Variants in LRRC4C observed in about 807,000 individuals in gnomAD.
LRRC4C encodes leucine-rich repeat-containing protein 4C.
In LRRC4C, 5 loss-of-function variants were observed where a neutral mutation model predicts 33.6. The ratio of observed to expected loss-of-function variants is 0.15; its 90% CI spans 0.08 to 0.31. LRRC4C has a LOEUF of 0.31. Among genes scored for constraint, LRRC4C ranks in the 10% least tolerant of loss-of-function variants. The pLI, the probability that LRRC4C is intolerant of heterozygous loss-of-function variation, is 1.00. For missense variants in LRRC4C, 560 were observed against 796.7 expected, an observed-to-expected ratio of 0.70 and a Z score of 3.58; for synonymous variants, 329 against 302.0, an observed-to-expected ratio of 1.09 and a Z score of -0.93.
At chr11:40,880,014 G>T (rs1197728269) in intron 2 of LRRC4C, among the ~76,000 whole-genome samples, 1 of 152,038 alleles carries the variant, frequency 6.6e-6, no homozygotes, top group African/African-American at 2.4e-5. Context: ...TTGAGGCTAG[G>T]TCCTAACAGG....
chr11:41,210,863 G>C (rs1351414178), intron 1 of LRRC4C, among the ~76,000 whole-genome samples: 1 of 152,180 alleles, frequency 6.6e-6, no homozygotes, highest in Non-Finnish European at 1.5e-5. Context: ...TGGGGGTTGG[G>C]AGTGGATGGT....
At chr11:40,938,838 A>G (rs1280831773) in intron 1 of LRRC4C, among the ~76,000 whole-genome samples, 2 of 152,260 alleles carry the variant, frequency 1.3e-5, no homozygotes, top group Non-Finnish European at 2.9e-5. Context: ...AAACTAGAAA[A>G]TGCTACAATG....
intron 1 of LRRC4C, among the ~76,000 whole-genome samples, chr11:41,363,450 T>A (rs896603294): frequency 2.0e-5 from 3 of 152,186 alleles, no homozygotes; most frequent in African/African-American, 7.2e-5. Flanking sequence ...AATCTTCAAT[T>A]CCATCCTAAA....
At chr11:40,731,180 G>A (rs941963954) in intron 2 of LRRC4C, among the ~76,000 whole-genome samples, 1 of 151,876 alleles carries the variant, frequency 6.6e-6, no homozygotes. Flanking sequence ...TTAGCCGGGC[G>A]TGGTGGCAAG....
At chr11:40,377,075 C>G (rs1948688612) in intron 3 of LRRC4C, among the ~76,000 whole-genome samples, 1 of 151,898 alleles carries the variant, frequency 6.6e-6, no homozygotes, top group Non-Finnish European at 1.5e-5. Context: ...TCATAAATAG[C>G]ACAGCATGAG....
chr11:40,861,110 A>G (rs1954074509), intron 2 of LRRC4C, among the ~76,000 whole-genome samples: 1 of 152,114 alleles, frequency 6.6e-6, no homozygotes, highest in African/African-American at 2.4e-5. Context: ...CTCAGGGGAA[A>G]CTAAGTTTTT....
At chr11:41,205,651 A>G (rs1442287429) in intron 1 of LRRC4C, among the ~76,000 whole-genome samples, 2 of 152,212 alleles carry the variant, frequency 1.3e-5, no homozygotes, top group Non-Finnish European at 2.9e-5. Context: ...TGGCAAAAAG[A>G]AAAACAAACA....
chr11:40,470,702 G>A (rs952842572), intron 3 of LRRC4C, among the ~76,000 whole-genome samples: 4 of 152,150 alleles, frequency 2.6e-5, no homozygotes, highest in Non-Finnish European at 5.9e-5. Flanking sequence ...ATGACCTCAT[G>A]GAGCTGAAAT....
chr11:40,640,405 C>A (rs1942035902), intron 3 of LRRC4C, among the ~76,000 whole-genome samples: 1 of 151,850 alleles, frequency 6.6e-6, no homozygotes, highest in Non-Finnish European at 1.5e-5. Flanking sequence ...TGAACTATTG[C>A]CTTTATCATG....
At chr11:40,237,009 A>G (rs1865609192) in intron 5 of LRRC4C, among the ~76,000 whole-genome samples, 1 of 152,222 alleles carries the variant, frequency 6.6e-6, no homozygotes, top group Non-Finnish European at 1.5e-5. Flanking sequence ...CAAAGAAAAA[A>G]ACACAGTCAT....
At chr11:40,416,478 G>A (rs991569632) in intron 3 of LRRC4C, among the ~76,000 whole-genome samples, 2 of 152,164 alleles carry the variant, frequency 1.3e-5, no homozygotes, top group Non-Finnish European at 2.9e-5. Context: ...AGTATGGCTG[G>A]AAGTTAGTAA....
intron 1 of LRRC4C, among the ~76,000 whole-genome samples, chr11:41,418,397 A>C (rs1385397845): frequency 6.6e-6 from 1 of 151,926 alleles, no homozygotes; most frequent in Non-Finnish European, 1.5e-5. Context: ...AGGGAAGTAA[A>C]ATTTTGTGCA....
chr11:40,627,951 C>T (rs965184861), intron 3 of LRRC4C, among the ~76,000 whole-genome samples: 13 of 152,052 alleles, frequency 8.5e-5, no homozygotes, highest in African/African-American at 2.9e-4. Flanking sequence ...GGCACCCTAC[C>T]GAATTGTAAT....
At chr11:41,409,199 T>C (rs2138194165) in intron 1 of LRRC4C, among the ~76,000 whole-genome samples, 1 of 152,286 alleles carries the variant, frequency 6.6e-6, no homozygotes, top group African/African-American at 2.4e-5. Flanking sequence ...CTTTTCCAAT[T>C]AACACAACTG....
At chr11:40,852,131 T>A (rs959604350) in intron 2 of LRRC4C, among the ~76,000 whole-genome samples, 1 of 93,282 alleles carries the variant, frequency 1.1e-5, no homozygotes, top group Admixed American at 1.2e-4. Flanking sequence ...ACTACTAGAT[T>A]TTTTTTTTTT....
At chr11:41,226,569 A>C (rs534145374) in intron 1 of LRRC4C, among the ~76,000 whole-genome samples, 25 of 152,014 alleles carry the variant, frequency 1.6e-4, no homozygotes, top group Non-Finnish European at 3.5e-4. Flanking sequence ...TCTCAGAACA[A>C]GTGCTTTTTC....
intron 1 of LRRC4C, among the ~76,000 whole-genome samples, chr11:41,219,386 T>C (rs558918173): frequency 6.6e-6 from 1 of 152,142 alleles, no homozygotes; most frequent in Non-Finnish European, 1.5e-5. Flanking sequence ...GGGAAGAAAG[T>C]CAAATGCATA....
intron 5 of LRRC4C, among the ~76,000 whole-genome samples, chr11:40,195,780 AAAG>A (rs1862215022): frequency 6.6e-6 from 1 of 152,190 alleles, no homozygotes; most frequent in Non-Finnish European, 1.5e-5. Context: ...TCCAGAGGGC[AAAG>A]AAGATTTGAT....
intron 1 of LRRC4C, among the ~76,000 whole-genome samples, chr11:41,443,820 A>C (rs1955733754): frequency 1.5e-5 from 2 of 135,108 alleles, no homozygotes; most frequent in Non-Finnish European, 3.1e-5. Context: ...ATGGGGTTTC[A>C]CCATGTTGGC....
Sources: gnomAD v4.1 joint callset for allele counts (sites outside exome capture counted in the v4.1 genomes callset) on GRCh38, gnomAD v4.1.1 for gene constraint, MANE v1.5 for transcripts, NCBI Gene and HGNC (gene_info 2026-07-23, HGNC 2026-07-21) for gene names.